Variants in NRXN3 observed in about 807,000 individuals in gnomAD.
NRXN3 encodes neurexin III.
Under a neutral mutation model 137.6 loss-of-function variants are expected in NRXN3, and 32 were observed. The observed-to-expected ratio is 0.23, with a 90% confidence interval of 0.18 to 0.31. The LOEUF (loss-of-function observed/expected upper bound fraction) is 0.31. Ranked by LOEUF, NRXN3 falls within the 10% of genes least tolerant of loss-of-function variation. The pLI is 1.00. For missense variants in NRXN3, 1,574 were observed against 2,062.5 expected (o/e 0.76, Z 4.59); for synonymous variants, 798 against 784.5 (o/e 1.02, Z -0.29).
chr14:78,401,401 G>T (rs2092046071), intron 4 of NRXN3, among the ~76,000 whole-genome samples: 1 of 152,120 alleles, frequency 6.6e-6, no homozygotes, highest in African/African-American at 2.4e-5. Context: ...CTGACCTCAG[G>T]TGATCTGCCC....
chr14:78,948,692 G>T (rs1006918694), intron 10 of NRXN3, among the ~76,000 whole-genome samples: 9 of 138,886 alleles, frequency 6.5e-5, no homozygotes, highest in Non-Finnish European at 1.1e-4. Flanking sequence ...CTGTACCCTG[G>T]TCTTACAAAT....
chr14:79,780,721 A>T (rs891774666), intron 19 of NRXN3, among the ~76,000 whole-genome samples: 2 of 152,250 alleles, frequency 1.3e-5, no homozygotes, highest in Non-Finnish European at 2.9e-5. Context: ...TCTAATCAAC[A>T]GAAAACATTT....
intron 15 of NRXN3, among the ~76,000 whole-genome samples, chr14:79,177,791 G>A (rs2062494929): frequency 6.6e-6 from 1 of 152,158 alleles, no homozygotes; most frequent in Non-Finnish European, 1.5e-5. Context: ...AGTACAGTTA[G>A]CTGTTTGCTT....
intron 15 of NRXN3, among the ~76,000 whole-genome samples, chr14:79,034,689 G>GT (rs1231635592): frequency 6.6e-6 from 1 of 152,084 alleles, no homozygotes; most frequent in Non-Finnish European, 1.5e-5. Context: ...GAGTAATCTA[G>GT]TTTGGTTTAT....
chr14:79,089,624 C>T (rs1221553950), intron 15 of NRXN3, among the ~76,000 whole-genome samples: 1 of 152,060 alleles, frequency 6.6e-6, no homozygotes, highest in Non-Finnish European at 1.5e-5. Context: ...AATATTTTGA[C>T]AAGCTTAGAA....
intron 10 of NRXN3, among the ~76,000 whole-genome samples, chr14:78,843,066 TTAAAG>T (rs2099017049): frequency 6.6e-6 from 1 of 152,066 alleles, no homozygotes; most frequent in Non-Finnish European, 1.5e-5. Flanking sequence ...GAATAAGAGA[TTAAAG>T]TAAAGACAAG....
At chr14:79,575,066 C>T (rs907466097) in intron 16 of NRXN3, among the ~76,000 whole-genome samples, 4 of 152,030 alleles carry the variant, frequency 2.6e-5, no homozygotes, top group African/African-American at 9.7e-5. Flanking sequence ...TATACTTTTC[C>T]AGAATCATTT....
chr14:78,431,636 T>C (rs2093883010), intron 4 of NRXN3, among the ~76,000 whole-genome samples: 1 of 152,042 alleles, frequency 6.6e-6, no homozygotes, highest in Non-Finnish European at 1.5e-5. Flanking sequence ...CTTCATATGA[T>C]AGGTAGGAGG....
chr14:79,827,884 C>T (rs1200433235), intron 20 of NRXN3, among the ~76,000 whole-genome samples: 7 of 151,928 alleles, frequency 4.6e-5, no homozygotes, highest in Admixed American at 3.3e-4. Flanking sequence ...TTAGTAGAGA[C>T]GAGGTTTCAC....
chr14:78,870,213 G>T (rs1013678804), intron 10 of NRXN3, among the ~76,000 whole-genome samples: 1 of 152,038 alleles, frequency 6.6e-6, no homozygotes, highest in Non-Finnish European at 1.5e-5. Flanking sequence ...AAGGTAGAGG[G>T]GTCTGACTAA....
intron 4 of NRXN3, among the ~76,000 whole-genome samples, chr14:78,388,235 CGCGCTTCTGACTCCAAGT>C (rs2153638129): frequency 6.6e-6 from 1 of 152,262 alleles, no homozygotes; most frequent in South Asian, 2.1e-4. Context: ...AACTGAAATT[CGCGCTTCTGACTCCAAGT>C]GCGAGGCTCC....
intron 8 of NRXN3, among the ~76,000 whole-genome samples, chr14:78,751,502 C>T (rs1213282542): frequency 6.6e-6 from 1 of 152,090 alleles, no homozygotes; most frequent in Non-Finnish European, 1.5e-5. Flanking sequence ...GCTGTGTCTC[C>T]TATCGCTCTG....
intron 15 of NRXN3, among the ~76,000 whole-genome samples, chr14:79,340,691 C>T (rs182482527): frequency 7.2e-5 from 11 of 152,260 alleles, no homozygotes; most frequent in African/African-American, 2.4e-4. Context: ...CTCGAATTCT[C>T]GACCTCAGGT....
At chr14:78,250,269 T>C (rs2068404169) in intron 2 of NRXN3, among the ~76,000 whole-genome samples, 2 of 151,842 alleles carry the variant, frequency 1.3e-5, no homozygotes, top group South Asian at 2.1e-4. Flanking sequence ...CATCATGGAG[T>C]TGTTGAAAGG....
chr14:78,859,190 C>T (rs2099065745), intron 10 of NRXN3, among the ~76,000 whole-genome samples: 1 of 152,068 alleles, frequency 6.6e-6, no homozygotes. Context: ...GTGCCTGCTT[C>T]TCTTTTGCCT....
intron 10 of NRXN3, among the ~76,000 whole-genome samples, chr14:78,927,577 G>T (rs2099309406): frequency 6.6e-6 from 1 of 152,042 alleles, no homozygotes; most frequent in Non-Finnish European, 1.5e-5. Flanking sequence ...GAGAGTTTTG[G>T]CTCTTGAGCA....
At chr14:79,604,166 C>T (rs2097965616) in intron 16 of NRXN3, among the ~76,000 whole-genome samples, 1 of 151,762 alleles carries the variant, frequency 6.6e-6, no homozygotes, top group African/African-American at 2.4e-5. Context: ...GCTGGGATTA[C>T]AAGTGTGAGC....
intron 6 of NRXN3, among the ~76,000 whole-genome samples, chr14:78,684,924 A>G (rs2098112690): frequency 6.6e-6 from 1 of 152,162 alleles, no homozygotes; most frequent in Non-Finnish European, 1.5e-5. Context: ...AAGTTAATTG[A>G]CTTGTATTAT....
intron 16 of NRXN3, among the ~76,000 whole-genome samples, chr14:79,549,016 A>C (rs1001665718): frequency 1.3e-5 from 2 of 152,058 alleles, no homozygotes; most frequent in African/African-American, 4.8e-5. Context: ...GGGAGATTGG[A>C]TTCCACTGTG....
Sources: allele counts gnomAD v4.1 joint callset (sites outside exome capture counted in the v4.1 genomes callset), GRCh38; gene constraint gnomAD v4.1.1; transcripts MANE v1.5; gene names NCBI Gene and HGNC (gene_info 2026-07-23, HGNC 2026-07-21).